MYLK: variants seen among roughly 807,000 people sequenced by gnomAD.
MYLK encodes the protein myosin light chain kinase.
MYLK carries 106 observed loss-of-function variants against 203.4 expected under a neutral mutation model. The observed-to-expected ratio is 0.52, with a 90% CI of 0.45 to 0.61. The LOEUF (loss-of-function observed/expected upper bound fraction) is 0.61. Among genes scored for constraint, MYLK ranks in the 20% least tolerant of loss-of-function variants. The pLI, the probability that MYLK is intolerant of heterozygous loss-of-function variation, is 0.00. For synonymous variants in MYLK, 867 were observed against 959.5 expected (o/e 0.90, Z 1.78); for missense variants, 2,072 against 2,442.3 (o/e 0.85, Z 3.20).
intron 4 of MYLK, among the ~76,000 whole-genome samples, chr3:123,756,613 T>C (rs1437306641): frequency 1.3e-5 from 2 of 152,192 alleles, no homozygotes; most frequent in Middle Eastern, 3.2e-3. Flanking sequence ...ATTCTTTCCT[T>C]TCCCCTGCAT....
Position 123,775,910 on chromosome 3 carries a change from A to G in MYLK, c.165+17767T>C, listed in dbSNP as rs1191256982. Among the ~76,000 whole-genome samples, 4 of 152,280 alleles carry G rather than the reference A, an allele frequency of 2.6e-5. No individual in the cohort carries two copies. In the East Asian group the frequency reaches 5.8e-4, roughly 22 times the overall value. ...AATCACCTACTGTGTGTCAGGCATCATGGTAGGCACTGAGGTCTCCTGAGC... is the reference window on the plus strand; with the variant it reads ...AATCACCTACTGTGTGTCAGGCATCGTGGTAGGCACTGAGGTCTCCTGAGC... On this transcript the variant is annotated intron_variant, in intron 4 of 33. Transcript: ENST00000360304.
chr3:123,858,518 T>TG (rs1194348559), intron 2 of MYLK, among the ~76,000 whole-genome samples: 1 of 152,162 alleles, frequency 6.6e-6, no homozygotes, highest in East Asian at 1.9e-4. Context: ...ACCTTCCTGC[T>TG]GGTGGGGACT....
At chr3:123,815,578 A>G (rs2065721173) in intron 3 of MYLK, among the ~76,000 whole-genome samples, 1 of 152,118 alleles carries the variant, frequency 6.6e-6, no homozygotes. Flanking sequence ...TCCAACCTCA[A>G]GGTCCATCTC....
intron 2 of MYLK, among the ~76,000 whole-genome samples, chr3:123,854,310 G>GT (rs1211832121): frequency 1.3e-5 from 2 of 151,782 alleles, no homozygotes; most frequent in African/African-American, 2.4e-5. Flanking sequence ...GATGACTATA[G>GT]TTTTTTCTTA....
chr3:123,682,726 C>T (rs568992523), intron 19 of MYLK, among the ~76,000 whole-genome samples: 17 of 152,302 alleles, frequency 1.1e-4, no homozygotes, highest in South Asian at 2.1e-4. Context: ...ACAGGGTCCC[C>T]GCCCTTGGGA....
intron 23 of MYLK, among the ~76,000 whole-genome samples, chr3:123,658,473 A>G (rs2059460718): frequency 1.3e-5 from 2 of 152,172 alleles, no homozygotes; most frequent in Admixed American, 1.3e-4. Context: ...GTTTTTGCAG[A>G]TGGTTGGTTA....
chr3:123,851,906 T>C (rs1188945692), intron 2 of MYLK, among the ~76,000 whole-genome samples: 1 of 152,240 alleles, frequency 6.6e-6, no homozygotes, highest in African/African-American at 2.4e-5. Flanking sequence ...CTTATTATTT[T>C]GAGATACATC....
rs754488306 is a variant in MYLK, at chr3:123,700,493, G to C, written c.2975C>G (p.Pro992Arg). 3.0e-5 allele frequency: 49 copies of C among 1,608,016 alleles called. No homozygotes were observed. The highest frequency in any genetic ancestry group is 3.9e-5 in the Non-Finnish European group (46 of 1,175,904). ...RSVLGGKKKL[P>R]AENGSSSAET... Reference sequence around the variant, plus strand: ...GGCACTGCTGCTGCCATTCTCTGCTGGTAATTTCTTCTTGCCACCCAGCAC... The same window carrying C: ...GGCACTGCTGCTGCCATTCTCTGCTCGTAATTTCTTCTTGCCACCCAGCAC... Residue 992 changes from proline (P) to arginine (R), a missense_variant, in exon 18 of 34, where the codon CCA becomes CGA. By Grantham distance (103) the Pro-to-Arg change is moderately radical. Around this residue, in one of 3 missense-constraint regions of MYLK, gnomAD observed 865 missense variants for 1,016.0 expected, o/e 0.85. Transcript: ENST00000360304.
At chr3:123,757,388 T>C (rs1320878399) in intron 4 of MYLK, among the ~76,000 whole-genome samples, 2 of 152,138 alleles carry the variant, frequency 1.3e-5, no homozygotes, top group Non-Finnish European at 1.5e-5. Flanking sequence ...CCGCATGTCT[T>C]TTTTGTCTGG....
At chr3:123,841,554 C>T (rs1287400583) in intron 2 of MYLK, among the ~76,000 whole-genome samples, 3 of 152,102 alleles carry the variant, frequency 2.0e-5, no homozygotes, top group Admixed American at 1.3e-4. Flanking sequence ...CATTTTCTGT[C>T]AGTTCCTTTT....
At chr3:123,863,015 G>A (rs559639766) in intron 2 of MYLK, among the ~76,000 whole-genome samples, 160 of 152,190 alleles carry the variant, frequency 1.1e-3, no homozygotes, top group Non-Finnish European at 2.0e-3. Flanking sequence ...GTTTAAATAC[G>A]GGCTCTGCAT....
chr3:123,767,481 C>A (rs1266521005), intron 4 of MYLK, among the ~76,000 whole-genome samples: 1 of 152,180 alleles, frequency 6.6e-6, no homozygotes, highest in Non-Finnish European at 1.5e-5. Context: ...GTGGCTTGCA[C>A]CTGTAATCCC....
intron 20 of MYLK, among the ~76,000 whole-genome samples, chr3:123,674,642 G>A (rs184631464): frequency 8.5e-4 from 130 of 152,336 alleles, no homozygotes; most frequent in African/African-American, 2.9e-3. Flanking sequence ...CCAGGTGCTG[G>A]TGCTGCTACT....
At chr3:123,614,404 T>C (rs891283943) in intron 33 of MYLK, 55 bp from the exon 34 acceptor site, 5 of 1,610,636 alleles carry the variant, frequency 3.1e-6, no homozygotes, top group Non-Finnish European at 3.4e-6. Context: ...AAATTTCTTA[T>C]CAACTCATGC....
At chr3:123,738,410 C>A (rs2062750448) in intron 7 of MYLK, among the ~76,000 whole-genome samples, 1 of 152,064 alleles carries the variant, frequency 6.6e-6, no homozygotes, top group Non-Finnish European at 1.5e-5. Context: ...TACAGAGAAC[C>A]CCTGAGAACC....
intron 20 of MYLK, among the ~76,000 whole-genome samples, chr3:123,676,824 T>C (rs897579959): frequency 2.0e-5 from 3 of 152,250 alleles, no homozygotes; most frequent in Non-Finnish European, 2.9e-5. Flanking sequence ...CTGGTTTCTG[T>C]CTTCAAGGTG....
At chr3:123,838,102 A>G (rs893818676) in intron 2 of MYLK, among the ~76,000 whole-genome samples, 1 of 152,220 alleles carries the variant, frequency 6.6e-6, no homozygotes, top group African/African-American at 2.4e-5. Flanking sequence ...AATACAAACA[A>G]AAACAACCAA....
intron 4 of MYLK, among the ~76,000 whole-genome samples, chr3:123,759,750 T>G (rs1398726448): frequency 1.3e-5 from 2 of 152,182 alleles, no homozygotes; most frequent in Admixed American, 6.5e-5. Context: ...GACCCAAAAC[T>G]GAGAAGATGT....
At chr3:123,860,388 C>T (rs917260556) in intron 2 of MYLK, among the ~76,000 whole-genome samples, 7 of 152,214 alleles carry the variant, frequency 4.6e-5, no homozygotes, top group African/African-American at 1.7e-4. Flanking sequence ...TCTAGCTTCT[C>T]ATGCTGAAAG....
Sources: allele counts gnomAD v4.1 joint callset (sites outside exome capture counted in the v4.1 genomes callset), GRCh38; gene constraint gnomAD v4.1.1; regional missense constraint gnomAD v4.1.1; transcripts MANE v1.5; gene names NCBI Gene and HGNC (gene_info 2026-07-23, HGNC 2026-07-21).